Variants in SLC2A9 observed in about 807,000 individuals in gnomAD.
SLC2A9 encodes solute carrier family 2, facilitated glucose transporter member 9.
Under a neutral mutation model 50.6 loss-of-function variants are expected in SLC2A9, and 39 were observed. The ratio of observed to expected loss-of-function variants is 0.77; its 90% confidence interval spans 0.60 to 1.01. The LOEUF (loss-of-function observed/expected upper bound fraction) is 1.01, where lower values mean the gene tolerates loss of function less well. SLC2A9 is among the 50% of genes least tolerant of loss of function. The probability of loss-of-function intolerance (pLI) is 0.00; values close to 1 mark genes in which losing one functional copy is unlikely to be tolerated. For synonymous variants in SLC2A9, 324 were observed against 276.9 expected (o/e 1.17, Z -1.69); for missense variants, 686 against 677.6 (o/e 1.01, Z -0.14).
intron 10 of SLC2A9, chr4:9,880,295 C>G: frequency 1.0e-6 from 1 of 985,426 alleles, no homozygotes; most frequent in Non-Finnish European, 1.2e-6. Flanking sequence ...TGCTAGCCAG[C>G]GAGGCCCAGG....
At chr4:9,994,760 C>T (rs1015518761) in intron 3 of SLC2A9, among the ~76,000 whole-genome samples, 4 of 151,910 alleles carry the variant, frequency 2.6e-5, no homozygotes, top group Admixed American at 6.6e-5. Flanking sequence ...TTTTCCTATT[C>T]CATCTGCATG....
chr4:9,929,310 G>A (rs1745469927), intron 6 of SLC2A9, among the ~76,000 whole-genome samples: 1 of 152,218 alleles, frequency 6.6e-6, no homozygotes, highest in Non-Finnish European at 1.5e-5. Flanking sequence ...TTTACCGGCT[G>A]GAGAGCAAGG....
At chr4:9,790,131 T>A (rs1719714298) in intron 3 of SLC2A9, among the ~76,000 whole-genome samples, 1 of 152,212 alleles carries the variant, frequency 6.6e-6, no homozygotes, top group Non-Finnish European at 1.5e-5. Context: ...TTGAAGAGCA[T>A]CTACTCCTGG....
intron 5 of SLC2A9, among the ~76,000 whole-genome samples, chr4:9,966,222 AGCC>A (rs1753033635): frequency 6.6e-6 from 1 of 152,218 alleles, no homozygotes; most frequent in Non-Finnish European, 1.5e-5. Context: ...TATGTACGAA[AGCC>A]TTAAAAAAAT....
At chr4:9,819,759 C>A (rs987273739) in intron 3 of SLC2A9, among the ~76,000 whole-genome samples, 5 of 152,206 alleles carry the variant, frequency 3.3e-5, no homozygotes, top group African/African-American at 2.4e-5. Context: ...CATGGTGAAA[C>A]CCCATTTCCA....
chr4:9,980,211 C>A (rs1027482538), intron 5 of SLC2A9, among the ~76,000 whole-genome samples: 1 of 152,044 alleles, frequency 6.6e-6, no homozygotes, highest in African/African-American at 2.4e-5. Context: ...TGAAAAGATG[C>A]CCAAAATATA....
chr4:9,776,859 A>T (rs764977883), downstream of SLC2A9, among the ~76,000 whole-genome samples: 19 of 152,144 alleles, frequency 1.2e-4, no homozygotes, highest in Non-Finnish European at 2.5e-4. Flanking sequence ...TGCCCTCACC[A>T]TGGCAACAGG....
intron 6 of SLC2A9, among the ~76,000 whole-genome samples, chr4:9,941,319 G>A (rs1307706245): frequency 1.3e-5 from 2 of 152,090 alleles, no homozygotes; most frequent in East Asian, 3.8e-4. Flanking sequence ...AGCTACATGA[G>A]ACAACTCCCA....
chr4:9,872,270 T>G (rs985361836), intron 10 of SLC2A9, among the ~76,000 whole-genome samples: 1 of 152,088 alleles, frequency 6.6e-6, no homozygotes, highest in Non-Finnish European at 1.5e-5. Flanking sequence ...CTCCTGTGAG[T>G]TGGGGCAGGG....
intron 10 of SLC2A9, among the ~76,000 whole-genome samples, chr4:9,844,761 T>C (rs1429536400): frequency 1.3e-5 from 2 of 152,208 alleles, no homozygotes; most frequent in Admixed American, 1.3e-4. Context: ...TTCCCATCAC[T>C]TTACCTACTA....
chr4:9,916,425 C>T (rs1225785521), intron 7 of SLC2A9, among the ~76,000 whole-genome samples: 1 of 152,182 alleles, frequency 6.6e-6, no homozygotes, highest in African/African-American at 2.4e-5. Flanking sequence ...TGTCTTGTTT[C>T]CCAACCAAGA....
intron 10 of SLC2A9, among the ~76,000 whole-genome samples, chr4:9,867,714 C>T (rs1057001687): frequency 6.6e-6 from 1 of 152,172 alleles, no homozygotes; most frequent in Non-Finnish European, 1.5e-5. Context: ...CTGGGGACAC[C>T]GTGGATGGAG....
intron 11 of SLC2A9, among the ~76,000 whole-genome samples, chr4:9,828,429 C>T (rs192240784): frequency 3.3e-4 from 51 of 152,292 alleles, no homozygotes; most frequent in African/African-American, 1.0e-3. Context: ...ACTTGTCACT[C>T]CTCTGCTCAA....
intron 10 of SLC2A9, among the ~76,000 whole-genome samples, chr4:9,886,813 G>A (rs1187473852): frequency 6.6e-6 from 1 of 152,170 alleles, no homozygotes; most frequent in Non-Finnish European, 1.5e-5. Context: ...TCTGCTGGAG[G>A]TCCCTGCTGG....
At chr4:9,835,847 G>C (rs944637140) in intron 10 of SLC2A9, among the ~76,000 whole-genome samples, 1 of 152,120 alleles carries the variant, frequency 6.6e-6, no homozygotes, top group Admixed American at 6.5e-5. Context: ...AGCACTTTGG[G>C]AGGCAGAGGC....
intron 3 of SLC2A9, 61 bp downstream of exon 3, chr4:9,996,720 A>G (rs1385103136): frequency 6.3e-7 from 1 of 1,592,576 alleles, no homozygotes; most frequent in South Asian, 1.1e-5. Context: ...GACCCTGACA[A>G]TGACACAGAT....
At chr4:9,846,558 C>A (rs1170599624) in intron 10 of SLC2A9, among the ~76,000 whole-genome samples, 1 of 152,180 alleles carries the variant, frequency 6.6e-6, no homozygotes, top group Non-Finnish European at 1.5e-5. Flanking sequence ...AGGTGAGAGG[C>A]TTTGGTCCTT....
At chr4:9,943,995 T>C (rs1748662894) in intron 5 of SLC2A9, among the ~76,000 whole-genome samples, 1 of 152,008 alleles carries the variant, frequency 6.6e-6, no homozygotes. Context: ...GCCACACAGG[T>C]GGAAATCAAG....
chr4:9,862,646 A>G (rs1731836310), intron 10 of SLC2A9, among the ~76,000 whole-genome samples: 1 of 151,876 alleles, frequency 6.6e-6, no homozygotes, highest in African/African-American at 2.4e-5. Context: ...TTCTTCCCCT[A>G]CATCCTCACA....
Sources: gnomAD v4.1 joint callset for allele counts (sites outside exome capture counted in the v4.1 genomes callset) on GRCh38, gnomAD v4.1.1 for gene constraint, MANE v1.5 for transcripts, NCBI Gene and HGNC (gene_info 2026-07-23, HGNC 2026-07-21) for gene names.